PEAK1: variants seen among roughly 807,000 people sequenced by gnomAD.
PEAK1 encodes inactive tyrosine-protein kinase PEAK1.
A neutral mutation model predicts 124.7 loss-of-function variants in PEAK1; 54 were observed. The ratio of observed to expected loss-of-function variants is 0.43; its 90% CI spans 0.35 to 0.54. The LOEUF is 0.54. PEAK1 is among the 20% of genes least tolerant of loss of function. The probability of loss-of-function intolerance (pLI) is 0.01; values close to 1 mark genes in which losing one functional copy is unlikely to be tolerated. For synonymous variants in PEAK1, 719 were observed against 760.0 expected, an observed-to-expected ratio of 0.95 and a Z score of 0.89; for missense variants, 2,046 against 2,134.5, an observed-to-expected ratio of 0.96 and a Z score of 0.82.
intron 2 of PEAK1, among the ~76,000 whole-genome samples, chr15:77,317,950 T>C (rs931214500): frequency 1.3e-5 from 2 of 152,210 alleles, no homozygotes; most frequent in African/African-American, 2.4e-5. Context: ...TACTGTATGA[T>C]TCCATTTATA....
intron 2 of PEAK1, among the ~76,000 whole-genome samples, chr15:77,304,442 AT>A (rs71145812): frequency 0.069 from 5,933 of 86,386 alleles, 42 homozygotes; most frequent in African/African-American, 0.11. Flanking sequence ...TCCTGTATAC[AT>A]TTTTTTTTTT....
intron 1 of PEAK1, among the ~76,000 whole-genome samples, chr15:77,416,051 C>A (rs1313830524): frequency 6.6e-6 from 1 of 152,198 alleles, no homozygotes; most frequent in Non-Finnish European, 1.5e-5. Context: ...TACAATGTAG[C>A]TAAGTGCTCT....
intron 2 of PEAK1, among the ~76,000 whole-genome samples, chr15:77,309,393 G>A (rs2064298918): frequency 6.6e-6 from 1 of 151,560 alleles, no homozygotes; most frequent in African/African-American, 2.4e-5. Flanking sequence ...GCTGCCACAA[G>A]TTTTATAATT....
intron 1 of PEAK1, among the ~76,000 whole-genome samples, chr15:77,381,837 T>C (rs2069508869): frequency 6.6e-6 from 1 of 152,136 alleles, no homozygotes; most frequent in African/African-American, 2.4e-5. Context: ...TAAAAAGGGA[T>C]AGGGCAAAAA....
intron 8 of PEAK1, among the ~76,000 whole-genome samples, chr15:77,141,338 C>T (rs1426382042): frequency 6.6e-6 from 1 of 152,140 alleles, no homozygotes; most frequent in African/African-American, 2.4e-5. Flanking sequence ...CCTAACAAAA[C>T]TAGTGTAAGA....
intron 1 of PEAK1, among the ~76,000 whole-genome samples, chr15:77,409,922 G>A (rs2072254431): frequency 6.6e-6 from 1 of 152,134 alleles, no homozygotes. Context: ...AAAGTCACAT[G>A]GCCAGGAAGT....
In PEAK1 at chr15:77,180,540, G is replaced by A. The variant is rs753215276; in HGVS notation, c.1387C>T (p.Arg463Ter). The change falls in exon 7 of 10, where the codon CGA becomes TGA. Residue 463 changes from arginine (R) to a stop codon, truncating the protein, a stop_gained. Transcript: ENST00000682557. LOFTEE classifies it high-confidence loss of function. Reference sequence around the variant, plus strand: ...AATGGCTGTTCCAGGTTCACAACTCGGTAAGGTTTTGCTTGCTCTTCTGTG... The same window carrying A: ...AATGGCTGTTCCAGGTTCACAACTCAGTAAGGTTTTGCTTGCTCTTCTGTG... ...VPTEEQAKPY[R>*]VVNLEQPLCK... 2 of 1,614,080 alleles carry A rather than the reference G, an allele frequency of 1.2e-6. No individual in the cohort carries two copies. Among genetic ancestry groups the A allele is most frequent in the Non-Finnish European group, 1.7e-6 (2 of 1,179,996 alleles).
chr15:77,232,998 C>A (rs537706398), intron 6 of PEAK1, among the ~76,000 whole-genome samples: 1 of 152,142 alleles, frequency 6.6e-6, no homozygotes, highest in Non-Finnish European at 1.5e-5. Flanking sequence ...CCACCTGCCT[C>A]GGCCTCCCAA....
intron 5 of PEAK1, among the ~76,000 whole-genome samples, chr15:77,257,244 T>C (rs1454282376): frequency 6.6e-6 from 1 of 151,796 alleles, no homozygotes; most frequent in Non-Finnish European, 1.5e-5. Flanking sequence ...ATATACCCAG[T>C]AATGGGATGG....
chr15:77,266,611 G>A (rs2061747254), intron 5 of PEAK1, among the ~76,000 whole-genome samples: 1 of 152,090 alleles, frequency 6.6e-6, no homozygotes, highest in Non-Finnish European at 1.5e-5. Context: ...CAAGAATCAG[G>A]AAAATCATAA....
intron 6 of PEAK1, among the ~76,000 whole-genome samples, chr15:77,235,804 G>T (rs949987022): frequency 1.3e-5 from 2 of 152,210 alleles, no homozygotes; most frequent in African/African-American, 4.8e-5. Context: ...GGTCCCCCCT[G>T]CTCTATGCTG....
At chr15:77,147,579 G>T (rs914303209) in intron 8 of PEAK1, among the ~76,000 whole-genome samples, 1 of 152,082 alleles carries the variant, frequency 6.6e-6, no homozygotes, top group Non-Finnish European at 1.5e-5. Flanking sequence ...CAGGGAAAAT[G>T]TTCAAGGTCT....
At chr15:77,417,264 C>G (rs2072953386) in intron 1 of PEAK1, 1 of 805,146 alleles carries the variant, frequency 1.2e-6, no homozygotes, top group Non-Finnish European at 1.5e-6. Flanking sequence ...CAGGTCCTAC[C>G]TACCACCATG....
chr15:77,249,133 T>C (rs1430076054), intron 6 of PEAK1, among the ~76,000 whole-genome samples: 2 of 152,044 alleles, frequency 1.3e-5, no homozygotes, highest in African/African-American at 4.8e-5. Flanking sequence ...ATTACTACTA[T>C]TGAAATTTTT....
chr15:77,415,625 A>T (rs904105121), intron 1 of PEAK1, among the ~76,000 whole-genome samples: 2 of 152,136 alleles, frequency 1.3e-5, no homozygotes, highest in Non-Finnish European at 2.9e-5. Flanking sequence ...GATGATCAAA[A>T]ATTACACAAG....
At chr15:77,402,445 T>G in intron 1 of PEAK1, 1 of 985,164 alleles carries the variant, frequency 1.0e-6, no homozygotes, top group Non-Finnish European at 1.2e-6. Context: ...TCAATGTCAC[T>G]GCATATCTTT....
chr15:77,218,402 T>C (rs2059239082), intron 6 of PEAK1, among the ~76,000 whole-genome samples: 1 of 151,968 alleles, frequency 6.6e-6, no homozygotes, highest in Non-Finnish European at 1.5e-5. Context: ...TTTTTTTTGG[T>C]CTCCTATATT....
intron 1 of PEAK1, chr15:77,403,260 A>G (rs1302956630): frequency 2.0e-6 from 2 of 985,178 alleles, no homozygotes; most frequent in African/African-American, 3.5e-5. Context: ...CAATACCAAC[A>G]ACAAGATTTC....
In PEAK1 at chr15:77,110,735, C is replaced by G; in HGVS notation, c.*3421G>C. 1 of 152,214 alleles carries G rather than the reference C, an allele frequency of 6.6e-6. No individual in the cohort carries two copies. The highest frequency in any genetic ancestry group is 1.5e-5 in the Non-Finnish European group (1 of 68,058). 9.4% of individuals were successfully genotyped at this position (152,214 alleles called of 1,614,324 possible). A position where few individuals can be genotyped will look rare whatever the true frequency, so the allele number is the denominator to read the frequency against. ...ATTGCCATATTCCTGGCTTCCAGTTCTAGCTCAGCCTAGGGGTTGGTGATT... is the reference window on the plus strand; with the variant it reads ...ATTGCCATATTCCTGGCTTCCAGTTGTAGCTCAGCCTAGGGGTTGGTGATT... On this transcript the variant is annotated 3_prime_UTR_variant, in exon 10 of 10. Transcript: ENST00000682557.
Sources: allele counts gnomAD v4.1 joint callset (sites outside exome capture counted in the v4.1 genomes callset), GRCh38; gene constraint gnomAD v4.1.1; transcripts MANE v1.5; gene names NCBI Gene and HGNC (gene_info 2026-07-23, HGNC 2026-07-21).